Variants in AKAP19 observed in about 807,000 individuals in gnomAD.
AKAP19 encodes the protein small A-kinase anchoring protein.
At chr2:189,979,575 A>G in the AKAP19 span, among the ~76,000 whole-genome samples, 2 of 152,348 alleles carry the variant, frequency 1.3e-5, no homozygotes, top group South Asian at 2.1e-4. Context: ...CAAAATAGAT[A>G]CATGAGACTT....
At chr2:190,042,804 A>G in the AKAP19 span, among the ~76,000 whole-genome samples, 10 of 152,184 alleles carry the variant, frequency 6.6e-5, no homozygotes, top group Admixed American at 5.9e-4. Flanking sequence ...GTCTGCATGT[A>G]TAAGTGTGTT....
the AKAP19 span, among the ~76,000 whole-genome samples, chr2:190,174,346 G>T: frequency 1.3e-5 from 2 of 152,134 alleles, no homozygotes; most frequent in Admixed American, 1.3e-4. Flanking sequence ...GCTGGTTCTC[G>T]TACTGCCCAT....
At chr2:189,984,289 G>A in the AKAP19 span, among the ~76,000 whole-genome samples, 143 of 152,168 alleles carry the variant, frequency 9.4e-4, no homozygotes, top group Non-Finnish European at 1.5e-3. Flanking sequence ...ACCCTGGGGG[G>A]GCCAGTTCAG....
chr2:190,154,131 T>C, the AKAP19 span, among the ~76,000 whole-genome samples: 1 of 152,238 alleles, frequency 6.6e-6, no homozygotes, highest in Non-Finnish European at 1.5e-5. Flanking sequence ...ATTGTGCTTA[T>C]GCTTCTATAA....
the AKAP19 span, among the ~76,000 whole-genome samples, chr2:189,899,480 C>G: frequency 1.3e-5 from 2 of 152,114 alleles, no homozygotes; most frequent in Non-Finnish European, 2.9e-5. Flanking sequence ...TAATTGGTAA[C>G]CATCTTGTCA....
the AKAP19 span, among the ~76,000 whole-genome samples, chr2:189,904,194 A>C: frequency 6.6e-6 from 1 of 152,082 alleles, no homozygotes; most frequent in African/African-American, 2.4e-5. Context: ...CAATAATTAC[A>C]TTGCCTTATA....
the AKAP19 span, among the ~76,000 whole-genome samples, chr2:190,066,063 T>C: frequency 1.3e-5 from 2 of 152,116 alleles, no homozygotes; most frequent in African/African-American, 4.8e-5. Context: ...GAGAGCTGCG[T>C]CTATCAGCTT....
the AKAP19 span, among the ~76,000 whole-genome samples, chr2:190,015,236 C>T: frequency 6.6e-6 from 1 of 152,212 alleles, no homozygotes; most frequent in Non-Finnish European, 1.5e-5. Flanking sequence ...CAGCAAACTT[C>T]TGCCTGGACA....
chr2:189,915,242 A>G, the AKAP19 span, among the ~76,000 whole-genome samples: 1 of 152,032 alleles, frequency 6.6e-6, no homozygotes, highest in East Asian at 1.9e-4. Flanking sequence ...CCAGCAATTT[A>G]TTTGTTCCTC....
chr2:190,086,384 C>T, the AKAP19 span, among the ~76,000 whole-genome samples: 8 of 152,270 alleles, frequency 5.3e-5, no homozygotes, highest in South Asian at 4.1e-4. Flanking sequence ...AGGAAGATGA[C>T]GAATCTCCTA....
the AKAP19 span, among the ~76,000 whole-genome samples, chr2:189,999,010 G>A: frequency 4.0e-5 from 6 of 151,642 alleles, no homozygotes; most frequent in Non-Finnish European, 7.4e-5. Context: ...GGCCTCAAGT[G>A]ATCTGCCCAC....
chr2:190,155,142 T>C, the AKAP19 span, among the ~76,000 whole-genome samples: 355 of 152,200 alleles, frequency 2.3e-3, 1 homozygote, highest in Middle Eastern at 0.02. Context: ...TCTCCCCCCT[T>C]CCCCTCTTTT....
the AKAP19 span, among the ~76,000 whole-genome samples, chr2:190,173,919 C>T: frequency 3.9e-5 from 6 of 152,096 alleles, no homozygotes; most frequent in Admixed American, 6.6e-5. Context: ...TCTTCTTGCC[C>T]CTAGTTTCAG....
the AKAP19 span, among the ~76,000 whole-genome samples, chr2:189,947,107 CA>C: frequency 0.048 from 7,357 of 152,270 alleles, 270 homozygotes; most frequent in Non-Finnish European, 0.067. Flanking sequence ...TGAGCAAACA[CA>C]AAAGTGCCTA....
chr2:190,163,303 G>A, the AKAP19 span, among the ~76,000 whole-genome samples: 1 of 151,810 alleles, frequency 6.6e-6, no homozygotes, highest in African/African-American at 2.4e-5. Context: ...GCGTGTTGGC[G>A]GGCGCCTGTA....
At chr2:190,146,732 T>C in the AKAP19 span, among the ~76,000 whole-genome samples, 1 of 152,272 alleles carries the variant, frequency 6.6e-6, no homozygotes, top group Non-Finnish European at 1.5e-5. Context: ...TGGTTTTGAT[T>C]TGCATTTCCC....
At chr2:190,019,186 G>C in the AKAP19 span, among the ~76,000 whole-genome samples, 1 of 152,050 alleles carries the variant, frequency 6.6e-6, no homozygotes, top group East Asian at 1.9e-4. Flanking sequence ...TTTGAGGTTG[G>C]GCTGAGCCAC....
At chr2:189,978,427 C>G in the AKAP19 span, among the ~76,000 whole-genome samples, 1 of 152,050 alleles carries the variant, frequency 6.6e-6, no homozygotes, top group Non-Finnish European at 1.5e-5. Context: ...TCAAGACCAG[C>G]CTGGCCAACA....
At chr2:189,998,771 C>CTTTTTTTTTTTTTTTTTTTTTT in the AKAP19 span, among the ~76,000 whole-genome samples, 29 of 97,540 alleles carry the variant, frequency 3.0e-4, no homozygotes, top group East Asian at 6.4e-4. Flanking sequence ...TTCTTTCTTT[C>CTTTTTTTTTTTTTTTTTTTTTT]TTTTTTTTTT....
Sources: allele counts gnomAD v4.1 joint callset (sites outside exome capture counted in the v4.1 genomes callset), GRCh38; gene constraint gnomAD v4.1.1; transcripts MANE v1.5; gene names NCBI Gene and HGNC (gene_info 2026-07-23, HGNC 2026-07-21).